DNAH11: variants seen among roughly 807,000 people sequenced by gnomAD.
The protein encoded by DNAH11 is axonemal beta dynein heavy chain 11.
DNAH11 carries 442 observed loss-of-function variants against 526.0 expected under a neutral mutation model. That is an observed-to-expected ratio of 0.84 (90% CI 0.78 to 0.91). The LOEUF (loss-of-function observed/expected upper bound fraction) is 0.91, where lower values mean the gene tolerates loss of function less well. Ranked by LOEUF, DNAH11 falls within the 40% of genes least tolerant of loss-of-function variation. The pLI is 0.00. For synonymous variants in DNAH11, 2,461 were observed against 1,935.9 expected (o/e 1.27, Z -7.12); for missense variants, 6,989 against 5,448.7 (o/e 1.28, Z -8.90).
At chr7:21,784,852 C>T (rs1452229665) in intron 58 of DNAH11, among the ~76,000 whole-genome samples, 1 of 152,082 alleles carries the variant, frequency 6.6e-6, no homozygotes, top group African/African-American at 2.4e-5. Flanking sequence ...GACCCAAATC[C>T]AATTTTTCAT....
chr7:21,653,438 C>T (rs1456712787), intron 28 of DNAH11, among the ~76,000 whole-genome samples: 1 of 152,120 alleles, frequency 6.6e-6, no homozygotes, highest in East Asian at 1.9e-4. Flanking sequence ...GTTTCCTGGT[C>T]ATTGAGTTAC....
intron 57 of DNAH11, among the ~76,000 whole-genome samples, chr7:21,780,438 A>C (rs997137305): frequency 6.6e-6 from 1 of 152,200 alleles, no homozygotes; most frequent in African/African-American, 2.4e-5. Context: ...TAGGTATCAC[A>C]CATGATACAG....
intron 30 of DNAH11, among the ~76,000 whole-genome samples, chr7:21,666,170 T>C (rs62447814): frequency 0.051 from 7,777 of 151,978 alleles, 233 homozygotes; most frequent in Non-Finnish European, 0.063. Flanking sequence ...AATTTTAAAC[T>C]CTATTTCCCC....
chr7:21,560,798 T>C (rs2128431762), intron 4 of DNAH11, among the ~76,000 whole-genome samples: 1 of 152,270 alleles, frequency 6.6e-6, no homozygotes, highest in Middle Eastern at 3.4e-3. Context: ...ATACTTTGCA[T>C]CCTTCAATCC....
chr7:21,556,516 T>G (rs75668404), intron 2 of DNAH11, among the ~76,000 whole-genome samples: 1,776 of 152,308 alleles, frequency 0.012, 58 homozygotes, highest in South Asian at 0.081. Context: ...AAATCTAAAC[T>G]TTTTTCTTTC....
chr7:21,789,805 CTTT>C (rs60696463), intron 61 of DNAH11, among the ~76,000 whole-genome samples: 865 of 59,306 alleles, frequency 0.015, 6 homozygotes, highest in African/African-American at 0.039. Flanking sequence ...TTCTTTCTTT[CTTT>C]TTTCTTTCTT....
intron 56 of DNAH11, among the ~76,000 whole-genome samples, chr7:21,775,349 G>A (rs761297332): frequency 6.6e-6 from 1 of 152,120 alleles, no homozygotes; most frequent in Non-Finnish European, 1.5e-5. Flanking sequence ...AGGCACAGTG[G>A]CTCACACCTT....
chr7:21,876,145 A>C (rs1443295812), intron 74 of DNAH11, among the ~76,000 whole-genome samples: 1 of 152,086 alleles, frequency 6.6e-6, no homozygotes, highest in East Asian at 1.9e-4. Flanking sequence ...CGGCATCCGA[A>C]GTGCTGGGAT....
At chr7:21,847,918 C>T (rs1219943047) in intron 66 of DNAH11, among the ~76,000 whole-genome samples, 4 of 152,108 alleles carry the variant, frequency 2.6e-5, no homozygotes, top group African/African-American at 7.2e-5. Context: ...GTAATCCCAG[C>T]ACTTTGGGAG....
intron 63 of DNAH11, among the ~76,000 whole-genome samples, chr7:21,815,783 T>G (rs1034625566): frequency 9.2e-5 from 14 of 152,158 alleles, no homozygotes; most frequent in Admixed American, 2.6e-4. Context: ...ACAACGTTAT[T>G]TATTGTTGTC....
intron 44 of DNAH11, 93 bp downstream of exon 44, chr7:21,720,949 T>C (rs1784853387): frequency 1.4e-6 from 2 of 1,463,128 alleles, no homozygotes; most frequent in Admixed American, 2.2e-5. Flanking sequence ...ACCTTTTTGT[T>C]ATGTTATAGA....
rs373372239 is a variant in DNAH11, at chr7:21,639,063, C to T, written c.4942C>T (p.Gln1648Ter). 6.2e-7 allele frequency: 1 copy of T among 1,608,584 alleles called. No individual in the cohort carries two copies. Among genetic ancestry groups the T allele is most frequent in the Non-Finnish European group, 8.5e-7 (1 of 1,178,458 alleles). ...DILSKGAQPK[Q>*]VTCHLAKLFD... is the part of the protein sequence containing the mutation. The stretch of plus-strand genomic sequence containing the variant: ...TCTCTCAAAAGGAGCTCAGCCTAAA[C>T]AGGTAATATTTTTTTTGAAAGTCTC... The change falls in exon 28 of 82, where the codon CAG becomes TAG. Residue 1648 changes from glutamine (Q) to a stop codon, truncating the protein, a stop_gained and splice_region_variant. Transcript: ENST00000409508. LOFTEE classifies it high-confidence loss of function.
At chr7:21,734,365 A>T (rs1319020212) in intron 45 of DNAH11, among the ~76,000 whole-genome samples, 1 of 152,240 alleles carries the variant, frequency 6.6e-6, no homozygotes, top group Non-Finnish European at 1.5e-5. Context: ...CCAGCAGACA[A>T]ATTTAAAAGC....
chr7:21,626,137 C>G (rs1786320685), intron 25 of DNAH11, among the ~76,000 whole-genome samples: 1 of 152,126 alleles, frequency 6.6e-6, no homozygotes, highest in African/African-American at 2.4e-5. Context: ...AGCCACCCTA[C>G]TGATCTATCT....
chr7:21,840,360 A>T (rs1052688476), intron 65 of DNAH11, among the ~76,000 whole-genome samples: 1 of 152,258 alleles, frequency 6.6e-6, no homozygotes, highest in Admixed American at 6.5e-5. Flanking sequence ...AATAATTTCA[A>T]TTAAAATAAT....
chr7:21,723,840 C>T lies in DNAH11; in HGVS notation c.7267-1971C>T, dbSNP rs979808397. On this transcript the variant is annotated intron_variant, in intron 44 of 81. Coordinates refer to ENST00000409508, the MANE Select transcript of DNAH11 (RefSeq NM_001277115.2). ...TGTACATGCTGGACTCTTCCTTAAA[C>T]GGCACTTAAAGATGCCTTCCCTGAA... Among the ~76,000 whole-genome samples the T allele has an allele frequency of 2.1e-5, 3 of 144,844 alleles. No individual in the cohort carries two copies. In the East Asian group the frequency reaches 6.7e-4, roughly 32 times the overall value.
At chr7:21,548,303 C>T (rs562984038) in intron 2 of DNAH11, among the ~76,000 whole-genome samples, 1 of 152,316 alleles carries the variant, frequency 6.6e-6, no homozygotes, top group South Asian at 2.1e-4. Flanking sequence ...TGGCATTTAA[C>T]TGGCTAGCCA....
At chr7:21,749,546 A>G (rs1010832894) in intron 52 of DNAH11, 132 bp from the exon 53 acceptor site, 4 of 1,168,466 alleles carry the variant, frequency 3.4e-6, no homozygotes, top group Non-Finnish European at 2.4e-6. Context: ...GAGAAGGAAT[A>G]TGTAAACCAG....
chr7:21,896,412 C>T (rs1305604057), intron 79 of DNAH11, among the ~76,000 whole-genome samples: 3 of 152,132 alleles, frequency 2.0e-5, no homozygotes, highest in Non-Finnish European at 4.4e-5. Context: ...GTTCTAACTC[C>T]ATGGTTTTCT....
Sources: allele counts gnomAD v4.1 joint callset (sites outside exome capture counted in the v4.1 genomes callset), GRCh38; gene constraint gnomAD v4.1.1; transcripts MANE v1.5; gene names NCBI Gene and HGNC (gene_info 2026-07-23, HGNC 2026-07-21).